The following CLMP variants were observed in gnomAD, a reference collection of about 807,000 sequenced individuals.
CLMP encodes the protein CXADR-like membrane protein.
CLMP carries 27 observed loss-of-function variants against 45.2 expected under a neutral mutation model. The observed-to-expected ratio is 0.60, with a 90% confidence interval of 0.44 to 0.82. The LOEUF is 0.82. Ranked by LOEUF, CLMP falls within the 40% of genes least tolerant of loss-of-function variation. CLMP has a pLI of 0.00. For synonymous variants in CLMP, 167 were observed against 171.4 expected (o/e 0.97, Z 0.20); for missense variants, 403 against 448.4 (o/e 0.90, Z 0.91).
At chr11:123,181,323 C>T (rs1452378753) in intron 1 of CLMP, among the ~76,000 whole-genome samples, 1 of 152,198 alleles carries the variant, frequency 6.6e-6, no homozygotes, top group Admixed American at 6.5e-5. Context: ...ACCTCATCCC[C>T]ACATGTCTTT....
intron 1 of CLMP, among the ~76,000 whole-genome samples, chr11:123,142,921 C>T (rs891810279): frequency 1.8e-4 from 28 of 152,144 alleles, no homozygotes; most frequent in Non-Finnish European, 2.2e-4. Context: ...CCACCGCGCC[C>T]GGCCGATGAG....
chr11:123,106,420 T>C (rs1208790896), intron 1 of CLMP, among the ~76,000 whole-genome samples: 56 of 106,906 alleles, frequency 5.2e-4, no homozygotes, highest in African/African-American at 2.0e-3. Flanking sequence ...TGTGTGTGTG[T>C]GTGTGCGCGC....
chr11:123,143,080 C>T (rs535603651), intron 1 of CLMP, among the ~76,000 whole-genome samples: 176 of 152,300 alleles, frequency 1.2e-3, no homozygotes, highest in African/African-American at 3.9e-3. Context: ...ACAACCTATT[C>T]CCTGGGCCAA....
intron 1 of CLMP, among the ~76,000 whole-genome samples, chr11:123,102,482 C>T (rs1213374365): frequency 3.3e-5 from 5 of 151,158 alleles, no homozygotes; most frequent in African/African-American, 7.3e-5. Flanking sequence ...GGTTTCACCA[C>T]GTTGGCCAAG....
intron 5 of CLMP, among the ~76,000 whole-genome samples, chr11:123,080,156 C>A (rs578119402): frequency 1.7e-4 from 26 of 152,244 alleles, no homozygotes; most frequent in African/African-American, 6.0e-4. Flanking sequence ...AGTGAGTGAT[C>A]TAAGAGAGAG....
At chr11:123,175,852 C>A (rs1403358985) in intron 1 of CLMP, among the ~76,000 whole-genome samples, 1 of 152,170 alleles carries the variant, frequency 6.6e-6, no homozygotes, top group Non-Finnish European at 1.5e-5. Flanking sequence ...GCCTTTGCAT[C>A]AGGTGGAAAC....
intron 5 of CLMP, among the ~76,000 whole-genome samples, chr11:123,076,812 A>G (rs1241815961): frequency 6.6e-6 from 1 of 152,124 alleles, no homozygotes; most frequent in East Asian, 1.9e-4. Context: ...TGGCTGCTCT[A>G]GGGAAAATAA....
rs78356562 is a variant in CLMP, at chr11:123,169,380, G to A, written c.28+25533C>T. 1.2e-4 allele frequency among the ~76,000 whole-genome samples: 18 copies of A among 152,230 alleles called. No individual in the cohort carries two copies. In the East Asian group the frequency reaches 2.9e-3, roughly 24 times the overall value. ...AATTGCAGATCTGGGTTTTTTTAGC[G>A]CAGCTGACATGGAAACCTGCCCAGG... On this transcript the variant is annotated intron_variant, in intron 1 of 6. Coordinates refer to ENST00000448775, the MANE Select transcript of CLMP (RefSeq NM_024769.5).
intron 1 of CLMP, among the ~76,000 whole-genome samples, chr11:123,156,590 C>T (rs1253038943): frequency 6.6e-6 from 1 of 152,160 alleles, no homozygotes; most frequent in African/African-American, 2.4e-5. Flanking sequence ...GGGAGAGGGT[C>T]TTTTGTCCCA....
At chr11:123,166,177 A>AG (rs1861553942) in intron 1 of CLMP, among the ~76,000 whole-genome samples, 1 of 152,114 alleles carries the variant, frequency 6.6e-6, no homozygotes. Flanking sequence ...GCAGGCCTGA[A>AG]GGGGGAGCAG....
chr11:123,150,485 AAGGAAGGAAGGAAGG>A (rs1861309426), intron 1 of CLMP, among the ~76,000 whole-genome samples: 17 of 109,984 alleles, frequency 1.5e-4, no homozygotes, highest in African/African-American at 5.9e-4. Context: ...GAAAGAAAGG[AAGGAAGGAAGGAAGG>A]AAGGAAGGAA....
intron 1 of CLMP, among the ~76,000 whole-genome samples, chr11:123,149,786 TCTTC>T (rs1171067084): frequency 7.5e-4 from 77 of 103,068 alleles, no homozygotes; most frequent in African/African-American, 3.5e-3. Context: ...TTTCTTTCTT[TCTTC>T]CTTTCTTTCT....
chr11:123,133,925 G>A (rs1359454134), intron 1 of CLMP, among the ~76,000 whole-genome samples: 1 of 151,890 alleles, frequency 6.6e-6, no homozygotes, highest in East Asian at 1.9e-4. Context: ...ATTTTTCTGG[G>A]GCTTCTTTTC....
At chr11:123,088,679 G>A (rs910315561) in intron 2 of CLMP, among the ~76,000 whole-genome samples, 1 of 152,258 alleles carries the variant, frequency 6.6e-6, no homozygotes, top group South Asian at 2.1e-4. Context: ...AGGCTGGAGT[G>A]CAGTGGCGTA....
chr11:123,089,659 T>C (rs896557349), intron 2 of CLMP, among the ~76,000 whole-genome samples: 21 of 148,582 alleles, frequency 1.4e-4, no homozygotes, highest in African/African-American at 4.7e-4. Flanking sequence ...CGCCCGTAGT[T>C]CCAGCTACTC....
intron 1 of CLMP, among the ~76,000 whole-genome samples, chr11:123,124,487 T>C (rs544011920): frequency 6.6e-6 from 1 of 152,338 alleles, no homozygotes; most frequent in African/African-American, 2.4e-5. Context: ...ATGTATTTCA[T>C]TCAGCATGCA....
intron 1 of CLMP, among the ~76,000 whole-genome samples, chr11:123,190,315 G>A (rs774806312): frequency 6.6e-6 from 1 of 152,002 alleles, no homozygotes; most frequent in Non-Finnish European, 1.5e-5. Context: ...GCTACCAATT[G>A]CCATGAGTGA....
intron 1 of CLMP, among the ~76,000 whole-genome samples, chr11:123,101,747 A>G (rs2135483402): frequency 6.6e-6 from 1 of 152,348 alleles, no homozygotes; most frequent in African/African-American, 2.4e-5. Context: ...TTTAGGTTAC[A>G]GTTTAAATGA....
chr11:123,100,954 C>T (rs991062636), intron 1 of CLMP, among the ~76,000 whole-genome samples: 1 of 152,042 alleles, frequency 6.6e-6, no homozygotes, highest in Non-Finnish European at 1.5e-5. Context: ...ACCGCCTGCC[C>T]CCGACCTCTC....
Sources: gnomAD v4.1 joint callset for allele counts (sites outside exome capture counted in the v4.1 genomes callset) on GRCh38, gnomAD v4.1.1 for gene constraint, MANE v1.5 for transcripts, NCBI Gene and HGNC (gene_info 2026-07-23, HGNC 2026-07-21) for gene names.